The following TTLL5 variants were observed in gnomAD, a reference collection of about 807,000 sequenced individuals.
The protein encoded by TTLL5 is tubulin tyrosine ligase like 5, also known as tubulin polyglutamylase TTLL5.
In TTLL5, 132 loss-of-function variants were observed where a neutral mutation model predicts 168.4. That is an observed-to-expected ratio of 0.78 (90% CI 0.68 to 0.91). TTLL5 has a LOEUF of 0.91. Among genes scored for constraint, TTLL5 ranks in the 40% least tolerant of loss-of-function variants. TTLL5 has a pLI of 0.00. For synonymous variants in TTLL5, 546 were observed against 558.6 expected (o/e 0.98, Z 0.32); for missense variants, 1,545 against 1,581.5 (o/e 0.98, Z 0.39).
intron 18 of TTLL5, among the ~76,000 whole-genome samples, chr14:75,756,704 C>T (rs1213531895): frequency 3.3e-5 from 5 of 151,932 alleles, no homozygotes; most frequent in Non-Finnish European, 5.9e-5. Flanking sequence ...AGATGGGTTT[C>T]GCCATGTTGG....
intron 30 of TTLL5, among the ~76,000 whole-genome samples, chr14:75,886,071 C>T (rs1487922413): frequency 2.6e-5 from 4 of 152,180 alleles, no homozygotes; most frequent in Non-Finnish European, 4.4e-5. Flanking sequence ...ATGCCATAGT[C>T]GCCTCAAGAG....
chr14:75,832,693 A>G (rs1480142941), intron 28 of TTLL5, among the ~76,000 whole-genome samples: 1 of 152,182 alleles, frequency 6.6e-6, no homozygotes, highest in African/African-American at 2.4e-5. Flanking sequence ...ATAAAATAGT[A>G]ATGTTTGTTT....
intron 29 of TTLL5, among the ~76,000 whole-genome samples, chr14:75,880,983 C>T (rs1478903089): frequency 2.0e-5 from 3 of 152,208 alleles, no homozygotes; most frequent in African/African-American, 7.2e-5. Context: ...GTGCAGTCTT[C>T]ACCCTTTGCA....
Position 75,912,322 on chromosome 14 carries a change from A to G in TTLL5, c.3823+10098A>G, listed in dbSNP as rs10150941. Among the ~76,000 whole-genome samples, 1,451 of 152,280 alleles carry G rather than the reference A, an allele frequency of 9.5e-3. 18 individuals carry two copies. Among genetic ancestry groups the G allele is most frequent in the African/African-American group, 0.033 (1,388 of 41,552 alleles). On this transcript the variant is annotated intron_variant, in intron 31 of 31. Transcript: ENST00000298832. ...AAAGTGGGTGGCAGCTGCCTTCCAG[A>G]CAGATGCCAGCCTGGTACTAGGGTA...
At chr14:75,863,047 C>T (rs774308508) in intron 28 of TTLL5, among the ~76,000 whole-genome samples, 1 of 152,198 alleles carries the variant, frequency 6.6e-6, no homozygotes, top group Non-Finnish European at 1.5e-5. Flanking sequence ...ACCGGCCCTT[C>T]GCCTTCCTCA....
At chr14:75,842,179 G>A (rs575373023) in intron 28 of TTLL5, among the ~76,000 whole-genome samples, 1 of 152,176 alleles carries the variant, frequency 6.6e-6, no homozygotes, top group South Asian at 2.1e-4. Context: ...TGTCAAATTG[G>A]CATCCAAAAA....
At chr14:75,788,702 A>G (rs1892521701) in intron 26 of TTLL5, among the ~76,000 whole-genome samples, 1 of 152,210 alleles carries the variant, frequency 6.6e-6, no homozygotes, top group African/African-American at 2.4e-5. Flanking sequence ...ATATTTTTAA[A>G]AAAACTCTTC....
intron 30 of TTLL5, among the ~76,000 whole-genome samples, chr14:75,899,430 A>G (rs1020685197): frequency 3.9e-5 from 6 of 152,246 alleles, no homozygotes; most frequent in African/African-American, 9.6e-5. Context: ...CAAGGAAATG[A>G]TGTTATCACA....
intron 31 of TTLL5, among the ~76,000 whole-genome samples, chr14:75,947,098 G>A (rs2034799120): frequency 6.6e-6 from 1 of 152,240 alleles, no homozygotes. Context: ...TAGCCATCAA[G>A]GAATTCTGAG....
intron 15 of TTLL5, among the ~76,000 whole-genome samples, chr14:75,738,365 A>G (rs775425210): frequency 1.1e-4 from 16 of 152,186 alleles, no homozygotes; most frequent in Non-Finnish European, 2.2e-4. Flanking sequence ...GCTCCAGTAT[A>G]TTTATTTTGG....
At chr14:75,939,783 T>A (rs925210415) in intron 31 of TTLL5, among the ~76,000 whole-genome samples, 1 of 152,184 alleles carries the variant, frequency 6.6e-6, no homozygotes, top group African/African-American at 2.4e-5. Flanking sequence ...CTTTGACTCA[T>A]TAATGCTGCA....
At chr14:75,882,929 C>T (rs377323268) in intron 30 of TTLL5, 27 bp downstream of exon 30, 2 of 1,606,944 alleles carry the variant, frequency 1.2e-6, no homozygotes, top group East Asian at 2.2e-5. Context: ...TCAATTTCTA[C>T]TGAGTTTTAT....
intron 12 of TTLL5, among the ~76,000 whole-genome samples, chr14:75,730,409 C>T (rs550925835): frequency 2.0e-5 from 3 of 152,270 alleles, no homozygotes; most frequent in Admixed American, 2.0e-4. Flanking sequence ...AATGTATAGG[C>T]AATGTATAAA....
chr14:75,671,926 G>A (rs566282161), intron 3 of TTLL5, among the ~76,000 whole-genome samples: 173 of 152,296 alleles, frequency 1.1e-3, no homozygotes, highest in African/African-American at 4.0e-3. Context: ...AATAGAAAGA[G>A]GGTGTCTTTG....
intron 30 of TTLL5, among the ~76,000 whole-genome samples, chr14:75,895,511 A>G (rs1298908451): frequency 6.6e-6 from 1 of 152,128 alleles, no homozygotes; most frequent in African/African-American, 2.4e-5. Flanking sequence ...AGAAATAATA[A>G]AAAGAGGTTT....
chr14:75,662,832 T>C (rs899979248), intron 1 of TTLL5, among the ~76,000 whole-genome samples: 4 of 152,178 alleles, frequency 2.6e-5, no homozygotes, highest in African/African-American at 7.2e-5. Flanking sequence ...TCTTCAAATA[T>C]ATAGAGCACA....
chr14:75,695,377 G>T (rs1885763092), intron 6 of TTLL5, among the ~76,000 whole-genome samples: 1 of 152,188 alleles, frequency 6.6e-6, no homozygotes, highest in Non-Finnish European at 1.5e-5. Context: ...CGTGCCCAGT[G>T]GGACATGAAA....
At chr14:75,822,678 T>C (rs1270710121) in intron 28 of TTLL5, among the ~76,000 whole-genome samples, 1 of 152,242 alleles carries the variant, frequency 6.6e-6, no homozygotes, top group African/African-American at 2.4e-5. Context: ...GGTGTTGCTA[T>C]TGTTCCCAAT....
chr14:75,722,353 C>T (rs555534316), intron 12 of TTLL5, among the ~76,000 whole-genome samples: 1 of 152,258 alleles, frequency 6.6e-6, no homozygotes, highest in Admixed American at 6.5e-5. Context: ...CCAAGTGATC[C>T]TCCCACCTTA....
Sources: allele counts gnomAD v4.1 joint callset (sites outside exome capture counted in the v4.1 genomes callset), GRCh38; gene constraint gnomAD v4.1.1; transcripts MANE v1.5; gene names NCBI Gene and HGNC (gene_info 2026-07-23, HGNC 2026-07-21).